Variants in CNTNAP2 observed in about 807,000 individuals in gnomAD.
CNTNAP2 encodes the protein contactin-associated protein-like 2.
CNTNAP2 carries 98 observed loss-of-function variants against 155.2 expected under a neutral mutation model. That is an observed-to-expected ratio of 0.63 (90% CI 0.54 to 0.75). The LOEUF (loss-of-function observed/expected upper bound fraction) is 0.75. Ranked by LOEUF, CNTNAP2 falls within the 30% of genes least tolerant of loss-of-function variation. CNTNAP2 has a pLI of 0.00. For synonymous variants in CNTNAP2, 651 were observed against 631.2 expected, an observed-to-expected ratio of 1.03 and a Z score of -0.47; for missense variants, 1,727 against 1,688.1, an observed-to-expected ratio of 1.02 and a Z score of -0.40.
At chr7:146,894,598 A>C (rs549220786) in intron 3 of CNTNAP2, among the ~76,000 whole-genome samples, 1 of 152,194 alleles carries the variant, frequency 6.6e-6, no homozygotes, top group Non-Finnish European at 1.5e-5. Flanking sequence ...TGATAACTTT[A>C]AACAATTTCC....
At chr7:146,273,318 A>G (rs144188987) in intron 1 of CNTNAP2, among the ~76,000 whole-genome samples, 159 of 152,240 alleles carry the variant, frequency 1.0e-3, no homozygotes, top group African/African-American at 3.4e-3. Context: ...ATTCACAACT[A>G]TAACTAGGCC....
At chr7:147,190,227 G>A (rs1198150941) in intron 8 of CNTNAP2, among the ~76,000 whole-genome samples, 2 of 152,188 alleles carry the variant, frequency 1.3e-5, no homozygotes, top group Admixed American at 6.5e-5. Context: ...ACAAGAGGCC[G>A]AATTCATCTT....
At chr7:147,657,180 T>C (rs1795538053) in intron 13 of CNTNAP2, among the ~76,000 whole-genome samples, 1 of 152,192 alleles carries the variant, frequency 6.6e-6, no homozygotes, top group Non-Finnish European at 1.5e-5. Context: ...TTATATGCTA[T>C]AGGTGTTTGC....
At chr7:147,126,661 TGGGG>T (rs1156648753) in intron 6 of CNTNAP2, among the ~76,000 whole-genome samples, 1 of 152,068 alleles carries the variant, frequency 6.6e-6, no homozygotes, top group Non-Finnish European at 1.5e-5. Context: ...TTAGTAGAGA[TGGGG>T]TTTCTCCATG....
intron 1 of CNTNAP2, among the ~76,000 whole-genome samples, chr7:146,164,265 T>TA (rs11420249): frequency 0.28 from 42,539 of 152,052 alleles, 6,663 homozygotes; most frequent in African/African-American, 0.42. Context: ...AAACACACAC[T>TA]AAAAAACAGA....
chr7:146,203,008 T>C (rs1035105692), intron 1 of CNTNAP2, among the ~76,000 whole-genome samples: 1 of 141,368 alleles, frequency 7.1e-6, no homozygotes, highest in African/African-American at 2.7e-5. Flanking sequence ...GGTTAGTTTC[T>C]GCAAAAGTTT....
At chr7:146,266,880 T>A (rs1800002152) in intron 1 of CNTNAP2, among the ~76,000 whole-genome samples, 1 of 145,224 alleles carries the variant, frequency 6.9e-6, no homozygotes, top group Admixed American at 6.6e-5. Flanking sequence ...AGGTTCACAT[T>A]GCTGAATTTT....
intron 1 of CNTNAP2, among the ~76,000 whole-genome samples, chr7:146,601,177 C>T (rs1442885055): frequency 6.6e-6 from 1 of 151,960 alleles, no homozygotes; most frequent in Non-Finnish European, 1.5e-5. Context: ...TGGCATAGAT[C>T]TAGGTTGATA....
chr7:146,683,461 A>G (rs1800540630), intron 1 of CNTNAP2, among the ~76,000 whole-genome samples: 1 of 152,220 alleles, frequency 6.6e-6, no homozygotes, highest in Admixed American at 6.5e-5. Context: ...TATTTATAAT[A>G]ATTATATTTG....
chr7:146,677,818 G>A (rs1800428151), intron 1 of CNTNAP2, among the ~76,000 whole-genome samples: 1 of 152,032 alleles, frequency 6.6e-6, no homozygotes, highest in Admixed American at 6.6e-5. Flanking sequence ...AAGAGGATAA[G>A]GGGTGAAGCA....
chr7:148,380,193 C>T (rs1263172669), intron 21 of CNTNAP2, among the ~76,000 whole-genome samples: 6 of 152,172 alleles, frequency 3.9e-5, no homozygotes, highest in Non-Finnish European at 8.8e-5. Context: ...CAAGACACCT[C>T]CAGGCAGAAC....
chr7:146,759,944 G>C (rs184892107), intron 1 of CNTNAP2, among the ~76,000 whole-genome samples: 2 of 152,032 alleles, frequency 1.3e-5, no homozygotes, highest in Non-Finnish European at 2.9e-5. Flanking sequence ...ATAAACCTTC[G>C]GTAGTTTTGC....
chr7:147,645,569 G>A (rs776684124), intron 13 of CNTNAP2, among the ~76,000 whole-genome samples: 5 of 152,204 alleles, frequency 3.3e-5, no homozygotes, highest in Admixed American at 6.5e-5. Context: ...ACTAGCATCT[G>A]CATGATGGGC....
intron 15 of CNTNAP2, among the ~76,000 whole-genome samples, chr7:147,989,509 T>G (rs537648676): frequency 2.1e-4 from 32 of 152,326 alleles, no homozygotes; most frequent in Non-Finnish European, 3.8e-4. Flanking sequence ...CCATTTGCTG[T>G]GGAAAAAGTG....
intron 1 of CNTNAP2, among the ~76,000 whole-genome samples, chr7:146,226,755 A>G (rs933643514): frequency 6.6e-6 from 1 of 152,152 alleles, no homozygotes; most frequent in African/African-American, 2.4e-5. Flanking sequence ...GGTAAATTCA[A>G]TTGAGAAAGG....
chr7:146,130,176 G>C (rs1233463272), intron 1 of CNTNAP2, among the ~76,000 whole-genome samples: 1 of 152,184 alleles, frequency 6.6e-6, no homozygotes, highest in Non-Finnish European at 1.5e-5. Flanking sequence ...AATATAGGCA[G>C]TCGGGCCGGG....
intron 1 of CNTNAP2, among the ~76,000 whole-genome samples, chr7:146,382,907 A>G (rs927285969): frequency 2.6e-5 from 4 of 152,170 alleles, no homozygotes; most frequent in African/African-American, 9.6e-5. Context: ...AAACGACTAC[A>G]TAAAACCTTT....
At chr7:148,042,976 A>T (rs1585093738) in intron 15 of CNTNAP2, among the ~76,000 whole-genome samples, 2 of 152,244 alleles carry the variant, frequency 1.3e-5, no homozygotes, top group African/African-American at 2.4e-5. Context: ...AATGTTCTGT[A>T]AAGTCCCATT....
intron 1 of CNTNAP2, among the ~76,000 whole-genome samples, chr7:146,396,623 G>T (rs770890071): frequency 5.3e-5 from 8 of 151,430 alleles, no homozygotes; most frequent in Admixed American, 4.0e-4. Flanking sequence ...ATTAAAAGTC[G>T]CATTATTATT....
Sources: allele counts gnomAD v4.1 joint callset (sites outside exome capture counted in the v4.1 genomes callset), GRCh38; gene constraint gnomAD v4.1.1; transcripts MANE v1.5; gene names NCBI Gene and HGNC (gene_info 2026-07-23, HGNC 2026-07-21).